Variants in GAREM1 observed in about 807,000 individuals in gnomAD.
The protein encoded by GAREM1 is GRB2-associated and regulator of MAPK protein 1.
In GAREM1, 26 loss-of-function variants were observed where a neutral mutation model predicts 71.3. The observed-to-expected ratio is 0.36, with a 90% CI of 0.27 to 0.51. The LOEUF is 0.51. GAREM1 is among the 20% of genes least tolerant of loss of function. GAREM1 has a pLI of 0.95. For synonymous variants in GAREM1, 440 were observed against 433.2 expected (o/e 1.02, Z -0.20); for missense variants, 1,026 against 1,103.1 (o/e 0.93, Z 0.99).
chr18:32,338,781 T>G (rs138049398), intron 2 of GAREM1, among the ~76,000 whole-genome samples: 14 of 152,340 alleles, frequency 9.2e-5, no homozygotes, highest in Non-Finnish European at 2.1e-4. Context: ...ATGGTTAATG[T>G]TGTGTCAACT....
intron 1 of GAREM1, among the ~76,000 whole-genome samples, chr18:32,448,303 C>T (rs895038944): frequency 6.6e-6 from 1 of 152,118 alleles, no homozygotes; most frequent in African/African-American, 2.4e-5. Context: ...ATGTTGTAAT[C>T]AATAAAAAAT....
intron 1 of GAREM1, among the ~76,000 whole-genome samples, chr18:32,455,567 C>T (rs1303875743): frequency 6.6e-6 from 1 of 152,154 alleles, no homozygotes; most frequent in African/African-American, 2.4e-5. Flanking sequence ...GCAAATTCTT[C>T]CCTGGAGAAA....
At position 32,470,730 on chromosome 18, in the gene GAREM1, C is replaced by T. The variant is rs1265156741; in HGVS notation, c.-302G>A. Among the ~76,000 whole-genome samples, 1 of 149,862 alleles carries T rather than the reference C, an allele frequency of 6.7e-6. No individual in the cohort carries two copies. Among genetic ancestry groups the T allele is most frequent in the Admixed American group, 6.6e-5 (1 of 15,070 alleles). On this transcript the variant is annotated 5_prime_UTR_variant, in exon 1 of 6. Transcript: ENST00000269209. The surrounding 1 kb of genome is among the most constrained non-coding windows in gnomAD (Gnocchi z 4.4). ...GGCGGCCCGGGTGGCTGCGGCGGCT[C>T]CCGCTCCGCCTCCTCCTCTGGCCCT... is the stretch of plus-strand genomic sequence containing the variant.
intron 1 of GAREM1, among the ~76,000 whole-genome samples, chr18:32,423,436 A>G (rs1253843864): frequency 1.3e-5 from 2 of 152,220 alleles, no homozygotes; most frequent in Admixed American, 6.5e-5. Context: ...GTTTATCCTT[A>G]TATCTTTCTC....
intron 3 of GAREM1, among the ~76,000 whole-genome samples, chr18:32,307,689 A>G (rs1054087011): frequency 2.6e-5 from 4 of 151,678 alleles, no homozygotes; most frequent in African/African-American, 7.3e-5. Flanking sequence ...AGCCCAACTA[A>G]TTTTTGTATT....
chr18:32,352,934 TAACAC>T (rs2047766116), intron 2 of GAREM1, among the ~76,000 whole-genome samples: 1 of 152,146 alleles, frequency 6.6e-6, no homozygotes, highest in South Asian at 2.1e-4. Context: ...CATAAACAGA[TAACAC>T]AACAGACATA....
intron 1 of GAREM1, among the ~76,000 whole-genome samples, chr18:32,402,798 A>G (rs1367421177): frequency 3.3e-5 from 5 of 152,130 alleles, no homozygotes; most frequent in Non-Finnish European, 7.4e-5. Context: ...GGCATCATAT[A>G]TTCAATCAAC....
intron 2 of GAREM1, among the ~76,000 whole-genome samples, chr18:32,324,659 G>C (rs2047459023): frequency 6.6e-6 from 1 of 152,182 alleles, no homozygotes; most frequent in Non-Finnish European, 1.5e-5. Context: ...CTTGGATATG[G>C]GAAAGTTAGC....
intron 1 of GAREM1, among the ~76,000 whole-genome samples, chr18:32,415,303 C>A (rs940563399): frequency 2.0e-5 from 3 of 151,976 alleles, no homozygotes; most frequent in African/African-American, 7.2e-5. Context: ...CAATCATACT[C>A]AAACTGTTCT....
intron 2 of GAREM1, among the ~76,000 whole-genome samples, chr18:32,349,544 ATAGG>A (rs1208952061): frequency 6.6e-6 from 1 of 152,192 alleles, no homozygotes; most frequent in East Asian, 1.9e-4. Flanking sequence ...TTCCCCCAAA[ATAGG>A]TAGATGTCAT....
At chr18:32,402,493 GCT>G (rs1264014197) in intron 1 of GAREM1, among the ~76,000 whole-genome samples, 1 of 149,114 alleles carries the variant, frequency 6.7e-6, no homozygotes, top group African/African-American at 2.5e-5. Context: ...TCTCTTTTCT[GCT>G]CTTTTGGCTT....
chr18:32,309,026 G>C (rs1247122311), intron 3 of GAREM1, among the ~76,000 whole-genome samples: 1 of 150,148 alleles, frequency 6.7e-6, no homozygotes, highest in Admixed American at 6.6e-5. Flanking sequence ...TTTTCACATA[G>C]AGTGGATTTC....
Position 32,281,533 on chromosome 18 carries a change from C to T in GAREM1, c.1566+5498G>A, listed in dbSNP as rs933510084. Among the ~76,000 whole-genome samples the T allele has an allele frequency of 2.6e-5, 4 of 152,204 alleles. No individual in the cohort carries two copies. The South Asian group carries it at 8.3e-4, about 31-fold the overall frequency. On this transcript the variant is annotated intron_variant, in intron 4 of 5. Transcript: ENST00000269209. ...AGCTGTGGGGCAACCCTGTCTAACA[C>T]AAAGGTTCACAAATTCATCAACACT...
At chr18:32,363,684 CCT>C (rs1347678389) in intron 2 of GAREM1, among the ~76,000 whole-genome samples, 1 of 151,860 alleles carries the variant, frequency 6.6e-6, no homozygotes, top group African/African-American at 2.4e-5. Flanking sequence ...CCCCTTTCTC[CCT>C]GTTACAGGAA....
At chr18:32,321,168 A>C (rs1366165435) in intron 2 of GAREM1, among the ~76,000 whole-genome samples, 1 of 152,220 alleles carries the variant, frequency 6.6e-6, no homozygotes, top group African/African-American at 2.4e-5. Flanking sequence ...TAAATGAATA[A>C]ATAAACATAT....
intron 1 of GAREM1, among the ~76,000 whole-genome samples, chr18:32,396,797 T>C (rs1414416464): frequency 3.3e-5 from 5 of 151,692 alleles, no homozygotes; most frequent in Non-Finnish European, 7.4e-5. Flanking sequence ...ATACAGGAAA[T>C]ACAGAGAATG....
intron 1 of GAREM1, among the ~76,000 whole-genome samples, chr18:32,398,150 G>C (rs2048276625): frequency 6.6e-6 from 1 of 152,168 alleles, no homozygotes; most frequent in Non-Finnish European, 1.5e-5. Flanking sequence ...GAATCTCTGG[G>C]ACACATTTAA....
At chr18:32,313,619 T>C (rs1351034405) in intron 2 of GAREM1, among the ~76,000 whole-genome samples, 4 of 152,156 alleles carry the variant, frequency 2.6e-5, no homozygotes, top group African/African-American at 9.7e-5. Context: ...GACAGAATCC[T>C]AGGCTTGGTA....
At chr18:32,455,393 G>C (rs1232916360) in intron 1 of GAREM1, among the ~76,000 whole-genome samples, 2 of 152,144 alleles carry the variant, frequency 1.3e-5, no homozygotes, top group Non-Finnish European at 1.5e-5. Flanking sequence ...ATTGAGAATA[G>C]CATGTGAAAG....
Sources: gnomAD v4.1 joint callset for allele counts (sites outside exome capture counted in the v4.1 genomes callset) on GRCh38, gnomAD v4.1.1 for gene constraint, Gnocchi (gnomAD v3.1) non-coding constraint, MANE v1.5 for transcripts, NCBI Gene and HGNC (gene_info 2026-07-23, HGNC 2026-07-21) for gene names.